The following XXYLT1 variants were observed in gnomAD, a reference collection of about 807,000 sequenced individuals.
The protein encoded by XXYLT1 is xyloside xylosyltransferase 1.
In XXYLT1, 20 loss-of-function variants were observed where a neutral mutation model predicts 28.9. That is an observed-to-expected ratio of 0.69 (90% CI 0.49 to 1.00). The LOEUF (loss-of-function observed/expected upper bound fraction) is 1.00, where lower values mean the gene tolerates loss of function less well. Ranked by LOEUF, XXYLT1 falls within the 50% of genes least tolerant of loss-of-function variation. The probability of loss-of-function intolerance (pLI) is 0.00; values close to 1 mark genes in which losing one functional copy is unlikely to be tolerated. For missense variants in XXYLT1, 542 were observed against 560.1 expected, an observed-to-expected ratio of 0.97 and a Z score of 0.33; for synonymous variants, 257 against 253.8, an observed-to-expected ratio of 1.01 and a Z score of -0.12.
chr3:195,270,269 A>C, intron 1 of XXYLT1: 1 of 614,034 alleles, frequency 1.6e-6, no homozygotes, highest in Non-Finnish European at 2.7e-6. Context: ...CGTTAGCAAA[A>C]TGGGGGCGCG....
chr3:195,214,955 A>C (rs1454812436), intron 2 of XXYLT1: 3 of 151,982 alleles, frequency 2.0e-5, no homozygotes, highest in African/African-American at 7.3e-5. Context: ...GAAGCCCATC[A>C]GACTAACAGC....
rs538524752 is a variant in XXYLT1, at chr3:195,196,334, G to A, written c.652+30375C>T. Among the ~76,000 whole-genome samples, 10 of 152,350 alleles carry A rather than the reference G, an allele frequency of 6.6e-5. No homozygotes were observed. The South Asian group carries it at 1.0e-3, about 16-fold the overall frequency. On this transcript the variant is annotated intron_variant, in intron 2 of 3. Transcript: ENST00000310380. The stretch of plus-strand genomic sequence containing the variant: ...TCCTGCAGGGTGCGGCAGGAAGCAG[G>A]GCAAGATGCTCCCTAGCCCTGTGGC...
intron 3 of XXYLT1, among the ~76,000 whole-genome samples, chr3:195,079,345 A>G (rs907558353): frequency 1.3e-5 from 2 of 152,126 alleles, no homozygotes; most frequent in African/African-American, 4.8e-5. Context: ...ATATTTTCCA[A>G]AGAGGGAGAG....
At chr3:195,145,547 T>A (rs1719798029) in intron 3 of XXYLT1, among the ~76,000 whole-genome samples, 1 of 141,106 alleles carries the variant, frequency 7.1e-6, no homozygotes, top group African/African-American at 3.1e-5. Flanking sequence ...TGAAGCCACA[T>A]GAACGGGCAC....
chr3:195,249,946 T>C (rs1214979357), intron 1 of XXYLT1, among the ~76,000 whole-genome samples: 1 of 151,958 alleles, frequency 6.6e-6, no homozygotes, highest in African/African-American at 2.4e-5. Flanking sequence ...CCATCCTCTC[T>C]CCCCAGAGCC....
intron 3 of XXYLT1, among the ~76,000 whole-genome samples, chr3:195,097,105 A>G (rs879497299): frequency 6.6e-6 from 1 of 152,160 alleles, no homozygotes; most frequent in Non-Finnish European, 1.5e-5. Flanking sequence ...GAAGAAAGGA[A>G]CAAGACATAT....
At chr3:195,249,502 G>A (rs528850302) in intron 1 of XXYLT1, among the ~76,000 whole-genome samples, 3 of 152,358 alleles carry the variant, frequency 2.0e-5, no homozygotes, top group African/African-American at 7.2e-5. Flanking sequence ...CAGCAACGTA[G>A]ATGGACATGA....
intron 3 of XXYLT1, chr3:195,121,909 A>G (rs1718379449): frequency 1.6e-6 from 1 of 634,426 alleles, no homozygotes; most frequent in African/African-American, 1.8e-5. Flanking sequence ...GGCCTCCAAG[A>G]GAAAGCCCAG....
intron 2 of XXYLT1, among the ~76,000 whole-genome samples, chr3:195,212,023 G>A (rs1402731590): frequency 3.4e-5 from 5 of 145,070 alleles, no homozygotes; most frequent in Non-Finnish European, 7.5e-5. Context: ...TGGAGGAGGA[G>A]AGGGGGCAAG....
chr3:195,202,778 T>C (rs1203808452), intron 2 of XXYLT1, among the ~76,000 whole-genome samples: 1 of 152,246 alleles, frequency 6.6e-6, no homozygotes, highest in Non-Finnish European at 1.5e-5. Context: ...GGAAGAAGAA[T>C]TATTTTAGAT....
intron 3 of XXYLT1, among the ~76,000 whole-genome samples, chr3:195,083,747 G>A (rs1715567460): frequency 6.6e-6 from 1 of 152,142 alleles, no homozygotes; most frequent in South Asian, 2.1e-4. Context: ...TGCGCCTGGC[G>A]GTGCACAGTG....
rs1715184205 is a variant in XXYLT1 at position 195,077,413 on chromosome 3, C to T, written c.786-7302G>A. Among the ~76,000 whole-genome samples, 1 of 152,320 alleles carries T rather than the reference C, an allele frequency of 6.6e-6. No individual in the cohort carries two copies. Among genetic ancestry groups the T allele is most frequent in the East Asian group, 1.9e-4 (1 of 5,178 alleles). On this transcript the variant is annotated intron_variant, in intron 3 of 3. Transcript: ENST00000310380. The surrounding 1 kb of genome is among the most constrained non-coding windows in gnomAD (Gnocchi z 4.8). ...CTGCCCAGCAGCGTGCCCTGAGGAG[C>T]AGCCCTGCCTGTCCCTGTAGGTGCT...
At chr3:195,140,755 A>G (rs1162784578) in intron 3 of XXYLT1, among the ~76,000 whole-genome samples, 2 of 152,220 alleles carry the variant, frequency 1.3e-5, no homozygotes, top group East Asian at 3.8e-4. Flanking sequence ...TATCACGAGA[A>G]GAGCAAGAGG....
At chr3:195,184,419 T>C (rs2108742414) in intron 2 of XXYLT1, among the ~76,000 whole-genome samples, 1 of 152,378 alleles carries the variant, frequency 6.6e-6, no homozygotes, top group Middle Eastern at 3.4e-3. Flanking sequence ...AAGGGCTAAC[T>C]GAACGGCATG....
At position 195,097,135 on chromosome 3, in the gene XXYLT1, C is replaced by T. The variant is rs62290285; in HGVS notation, c.786-27024G>A. Among the ~76,000 whole-genome samples, 465 of 152,230 alleles carry T rather than the reference C, an allele frequency of 3.1e-3. 2 individuals carry two copies. The highest frequency in any genetic ancestry group is 0.011 in the African/African-American group (437 of 41,548). ...ACATATAGGCCGGTTCATTTTTAAT[C>T]TGCTGCTGGTGTGGCCCAGTCCCCT... On this transcript the variant is annotated intron_variant, in intron 3 of 3. Transcript: ENST00000310380.
chr3:195,109,809 AGTGT>A lies in XXYLT1; in HGVS notation c.786-39702_786-39699del, dbSNP rs1170667859. ...GTATGTGTGGTGTGTGTGGTGTATGAGTGTGTGTGTGGTGTATGAGTGTGCGTGT... is the reference window on the plus strand; with the variant it reads ...GTATGTGTGGTGTGTGTGGTGTATGAGTGTGTGGTGTATGAGTGTGCGTGT... On this transcript the variant is annotated intron_variant, in intron 3 of 3. Transcript: ENST00000310380. Among the ~76,000 whole-genome samples the A allele has an allele frequency of 3.1e-4, 9 of 28,876 alleles. 2 individuals carry two copies. The highest frequency in any genetic ancestry group is 2.4e-3 in the South Asian group (2 of 836). 18.9% of individuals were successfully genotyped at this position (28,876 alleles called of 152,430 possible).
At chr3:195,157,242 C>CA (rs34312884) in intron 2 of XXYLT1, among the ~76,000 whole-genome samples, 15,223 of 72,444 alleles carry the variant, frequency 0.21, 1,818 homozygotes, top group Non-Finnish European at 0.29. Context: ...GGCGCCATCT[C>CA]AAAAAAAAAA....
intron 3 of XXYLT1, among the ~76,000 whole-genome samples, chr3:195,128,425 C>A (rs756315786): frequency 2.8e-4 from 43 of 152,212 alleles, no homozygotes; most frequent in Non-Finnish European, 5.0e-4. Context: ...CTCCACCATG[C>A]AACCAATGTC....
chr3:195,120,999 G>A (rs1373961205), intron 3 of XXYLT1, among the ~76,000 whole-genome samples: 6 of 152,194 alleles, frequency 3.9e-5, no homozygotes, highest in African/African-American at 7.2e-5. Context: ...GGTGTGTGAC[G>A]TGTGTTGGAG....
Sources: gnomAD v4.1 joint callset for allele counts (sites outside exome capture counted in the v4.1 genomes callset) on GRCh38, gnomAD v4.1.1 for gene constraint, Gnocchi (gnomAD v3.1) non-coding constraint, MANE v1.5 for transcripts, NCBI Gene and HGNC (gene_info 2026-07-23, HGNC 2026-07-21) for gene names.